Variants in DMD observed in about 807,000 individuals in gnomAD.
DMD encodes dystrophin, also known as mutant dystrophin.
A neutral mutation model predicts 330.1 loss-of-function variants in DMD; 63 were observed. The observed-to-expected ratio is 0.19, with a 90% CI of 0.16 to 0.24. The LOEUF (loss-of-function observed/expected upper bound fraction) is 0.24, where lower values mean the gene tolerates loss of function less well. Among genes scored for constraint, DMD ranks in the 10% least tolerant of loss-of-function variants. The pLI is 1.00. For missense variants in DMD, 3,344 were observed against 2,684.1 expected (o/e 1.25, Z -5.43); for synonymous variants, 1,223 against 959.8 (o/e 1.27, Z -5.07).
intron 2 of DMD, among the ~76,000 whole-genome samples, chrX:33,013,846 C>T (rs111541593): frequency 8.1e-5 from 9 of 111,512 alleles, no homozygotes; most frequent in Non-Finnish European, 1.1e-4. Context: ...CGCGCACGCG[C>T]GTGTGTGTGT....
chrX:32,866,211 G>A (rs1008933400), intron 2 of DMD, among the ~76,000 whole-genome samples: 4 of 112,006 alleles, frequency 3.6e-5, no homozygotes, highest in African/African-American at 1.3e-4. Flanking sequence ...TCGCAGAGCT[G>A]AGCTGAGATC....
chrX:31,167,305 C>T, intron 74 of DMD, among the ~76,000 whole-genome samples: 1 of 111,072 alleles, frequency 9.0e-6, no homozygotes. Context: ...TTCTCCATAG[C>T]GTTTGTAAGA....
At chrX:33,203,697 A>C (rs2051409774) in intron 1 of DMD, among the ~76,000 whole-genome samples, 1 of 105,808 alleles carries the variant, frequency 9.5e-6, no homozygotes, top group Admixed American at 1.0e-4. Context: ...TGTCTTCTTT[A>C]TTGAATTTCC....
At chrX:31,310,203 CTCCATAT>C (rs33964005) in intron 62 of DMD, among the ~76,000 whole-genome samples, 15,283 of 91,133 alleles carry the variant, frequency 0.17, 1,089 homozygotes, top group Admixed American at 0.2. Flanking sequence ...CTCTCTCTCT[CTCCATAT>C]ATATATATAT....
chrX:32,216,527 G>A (rs2097112859), intron 44 of DMD, among the ~76,000 whole-genome samples: 1 of 111,676 alleles, frequency 9.0e-6, no homozygotes, highest in Admixed American at 9.6e-5. Flanking sequence ...TTATCATGAT[G>A]GATATTTCTA....
At chrX:31,523,481 A>G (rs1378774953) in intron 55 of DMD, among the ~76,000 whole-genome samples, 1 of 111,954 alleles carries the variant, frequency 8.9e-6, no homozygotes, top group Non-Finnish European at 1.9e-5. Flanking sequence ...TTGTCTTAGA[A>G]TTACTCCCAG....
At chrX:31,985,105 TA>T (rs1217912070) in intron 44 of DMD, among the ~76,000 whole-genome samples, 3 of 112,189 alleles carry the variant, frequency 2.7e-5, no homozygotes, top group African/African-American at 9.7e-5. Context: ...TAATAATAAC[TA>T]TAATTTCTTT....
At chrX:31,662,842 T>A (rs1324997785) in intron 53 of DMD, among the ~76,000 whole-genome samples, 1 of 111,793 alleles carries the variant, frequency 8.9e-6, no homozygotes, top group Non-Finnish European at 1.9e-5. Flanking sequence ...TAAAACAGGA[T>A]CCTAATATGC....
At chrX:31,933,636 C>T (rs2150009783) in intron 45 of DMD, among the ~76,000 whole-genome samples, 1 of 111,688 alleles carries the variant, frequency 9.0e-6, no homozygotes, top group East Asian at 2.8e-4. Context: ...AAAAATTGAA[C>T]ACACTGTACA....
intron 7 of DMD, among the ~76,000 whole-genome samples, chrX:32,709,903 G>C (rs753257475): frequency 9.0e-6 from 1 of 111,435 alleles, no homozygotes; most frequent in South Asian, 3.7e-4. Context: ...GAAGTAGTAG[G>C]TACTCAGTAT....
At chrX:31,914,921 G>A (rs1234152029) in intron 47 of DMD, among the ~76,000 whole-genome samples, 1 of 112,569 alleles carries the variant, frequency 8.9e-6, no homozygotes, top group Non-Finnish European at 1.9e-5. Flanking sequence ...GATTAATGCT[G>A]GAGGGGGTGG....
At chrX:32,536,805 G>A (rs947674214) in intron 17 of DMD, among the ~76,000 whole-genome samples, 10 of 111,275 alleles carry the variant, frequency 9.0e-5, no homozygotes, top group African/African-American at 2.3e-4. Flanking sequence ...TGGAGAGGTA[G>A]GCAGCTAAAG....
At chrX:33,151,846 G>A (rs2048296720) in intron 1 of DMD, among the ~76,000 whole-genome samples, 1 of 111,982 alleles carries the variant, frequency 8.9e-6, no homozygotes, top group South Asian at 3.7e-4. Flanking sequence ...AAAGTGGCAG[G>A]CATGGGACAT....
In DMD at chrX:32,638,992, T is replaced by A. The variant is rs772273072; in HGVS notation, c.1331+5140A>T. On this transcript the variant is annotated intron_variant, in intron 11 of 78. Coordinates refer to ENST00000357033, the MANE Select transcript of DMD (RefSeq NM_004006.3). ...CAATTATTTTCCATATTATGGCTTG[T>A]GTATCTACCCAGATACTATTCATAT... Among the ~76,000 whole-genome samples, 6 of 111,806 alleles carry A rather than the reference T, an allele frequency of 5.4e-5. 1 individual carries two copies. In the South Asian group the frequency reaches 2.2e-3, roughly 42 times the overall value.
intron 7 of DMD, among the ~76,000 whole-genome samples, chrX:32,798,426 G>A (rs182054167): frequency 8.9e-6 from 1 of 111,764 alleles, no homozygotes; most frequent in East Asian, 2.8e-4. Flanking sequence ...TTAGGCCACT[G>A]GGAAATAACA....
chrX:32,564,107 T>C (rs1335288040), intron 16 of DMD, among the ~76,000 whole-genome samples: 1 of 111,393 alleles, frequency 9.0e-6, no homozygotes, highest in Non-Finnish European at 1.9e-5. Context: ...GATTTTTAGG[T>C]CCTTATCACA....
chrX:32,449,699 C>T (rs1341577642), intron 26 of DMD, among the ~76,000 whole-genome samples: 1 of 108,868 alleles, frequency 9.2e-6, no homozygotes, highest in Non-Finnish European at 1.9e-5. Context: ...TGGTGGTCTT[C>T]GGTTGGGAGA....
At position 32,156,205 on chromosome X, in the gene DMD, A is replaced by C. The variant is rs946642212; in HGVS notation, c.6438+60711T>G. ...GACTGTCCTGGCCAACATGGTGAAAACCCGTCTCTACTAAAAATACAAAAA... is the reference window on the plus strand; with the variant it reads ...GACTGTCCTGGCCAACATGGTGAAACCCCGTCTCTACTAAAAATACAAAAA... On this transcript the variant is annotated intron_variant, in intron 44 of 78. Coordinates refer to ENST00000357033, the MANE Select transcript of DMD (RefSeq NM_004006.3). 2.5e-4 allele frequency among the ~76,000 whole-genome samples: 28 copies of C among 110,692 alleles called. 1 individual carries two copies. The highest frequency in any genetic ancestry group is 3.8e-4 in the Non-Finnish European group (20 of 52,831).
intron 7 of DMD, chrX:32,754,932 G>A (rs1262010937): frequency 9.0e-6 from 1 of 111,248 alleles, no homozygotes. Flanking sequence ...TCAGTTCTCT[G>A]TACATTACAG....
Sources: gnomAD v4.1 joint callset for allele counts (sites outside exome capture counted in the v4.1 genomes callset) on GRCh38, gnomAD v4.1.1 for gene constraint, MANE v1.5 for transcripts, NCBI Gene and HGNC (gene_info 2026-07-23, HGNC 2026-07-21) for gene names.